Variants in RBFOX1 observed in about 807,000 individuals in gnomAD.
The protein encoded by RBFOX1 is RNA binding fox-1 homolog 1.
Under a neutral mutation model 57.7 loss-of-function variants are expected in RBFOX1, and 8 were observed. That is an observed-to-expected ratio of 0.14 (90% CI 0.08 to 0.25). RBFOX1 has a LOEUF of 0.25. Among genes scored for constraint, RBFOX1 ranks in the 10% least tolerant of loss-of-function variants. RBFOX1 has a pLI of 1.00. For missense variants in RBFOX1, 611 were observed against 548.5 expected, an observed-to-expected ratio of 1.11 and a Z score of -1.14; for synonymous variants, 326 against 222.4, an observed-to-expected ratio of 1.47 and a Z score of -4.15.
chr16:7,698,183 GGTGTGTGTGTGTGTGTGTGTGT>G (rs59239865), intron 14 of RBFOX1, among the ~76,000 whole-genome samples: 4 of 136,116 alleles, frequency 2.9e-5, no homozygotes, highest in African/African-American at 8.0e-5. Flanking sequence ...AGTCCAAGAG[GGTGTGTGTGTGTGTGTGTGTGT>G]GTGTGTGTGT....
At chr16:5,632,062 A>G (rs1347772392) in intron 3 of RBFOX1, among the ~76,000 whole-genome samples, 2 of 152,224 alleles carry the variant, frequency 1.3e-5, no homozygotes, top group Non-Finnish European at 2.9e-5. Context: ...TAAGCTAGGA[A>G]GCCAAGGAGG....
chr16:5,250,390 A>G (rs982295426), intron 1 of RBFOX1, among the ~76,000 whole-genome samples: 8 of 152,030 alleles, frequency 5.3e-5, no homozygotes, highest in African/African-American at 9.7e-5. Context: ...CCCCGCATGC[A>G]TTAGGTATTT....
chr16:5,464,653 TG>T (rs1339616762), intron 1 of RBFOX1, among the ~76,000 whole-genome samples: 1 of 152,192 alleles, frequency 6.6e-6, no homozygotes, highest in Non-Finnish European at 1.5e-5. Context: ...AGGCCTCCTC[TG>T]TTTGTGCCCC....
At chr16:6,761,500 CTTTTT>C (rs869243278) in intron 3 of RBFOX1, among the ~76,000 whole-genome samples, 26 of 60,152 alleles carry the variant, frequency 4.3e-4, no homozygotes, top group African/African-American at 1.1e-3. Context: ...TCCCAATCTC[CTTTTT>C]TTTTTTTTTT....
intron 4 of RBFOX1, among the ~76,000 whole-genome samples, chr16:7,426,598 C>T (rs1389717256): frequency 6.6e-6 from 1 of 152,144 alleles, no homozygotes; most frequent in Non-Finnish European, 1.5e-5. Flanking sequence ...GAGAGGATCT[C>T]CCCCAATAAA....
Position 7,227,281 on chromosome 16 carries a change from C to A in RBFOX1, c.27+175183C>A, listed in dbSNP as rs541343246. 4.7e-4 allele frequency among the ~76,000 whole-genome samples: 46 copies of A among 96,898 alleles called. 1 individual carries two copies. The highest frequency in any genetic ancestry group is 1.1e-3 in the African/African-American group (41 of 37,890). The allele number at this position is 96,898 out of a possible 152,430, so 63.6% of individuals were successfully genotyped here. A position where few individuals can be genotyped will look rare whatever the true frequency, so the allele number is the denominator to read the frequency against. ...TTCTCACTGTCACATACCACACACA[C>A]CCCACCCCACCCCCACACACACACA... On this transcript the variant is annotated intron_variant, in intron 4 of 15. Coordinates refer to ENST00000550418, the MANE Select transcript of RBFOX1 (RefSeq NM_018723.4).
chr16:5,454,954 C>CTTTCTTTCTTTCTTT (rs1567535876), intron 1 of RBFOX1, among the ~76,000 whole-genome samples: 2 of 40,432 alleles, frequency 4.9e-5, no homozygotes, highest in African/African-American at 2.0e-4. Flanking sequence ...TTCCTTCCTT[C>CTTTCTTTCTTTCTTT]CTTCCTTTCT....
intron 2 of RBFOX1, among the ~76,000 whole-genome samples, chr16:6,538,396 G>A (rs888070542): frequency 6.6e-6 from 1 of 152,148 alleles, no homozygotes; most frequent in Non-Finnish European, 1.5e-5. Context: ...GGTGGCTGAG[G>A]TGGGAGGATC....
At chr16:7,075,631 A>G (rs1183315511) in intron 4 of RBFOX1, among the ~76,000 whole-genome samples, 7 of 151,974 alleles carry the variant, frequency 4.6e-5, no homozygotes, top group Admixed American at 4.6e-4. Context: ...CGCAGGCTGG[A>G]GTGCAGTGGT....
chr16:6,520,656 G>A (rs1315094782), intron 2 of RBFOX1, among the ~76,000 whole-genome samples: 1 of 152,154 alleles, frequency 6.6e-6, no homozygotes, highest in Admixed American at 6.6e-5. Flanking sequence ...GAAAAGGGCA[G>A]GACCCAGGAC....
chr16:5,392,690 G>A (rs560868672), intron 1 of RBFOX1, among the ~76,000 whole-genome samples: 1 of 152,114 alleles, frequency 6.6e-6, no homozygotes, highest in South Asian at 2.1e-4. Context: ...TTCAAACCTA[G>A]ATGTATCGTA....
chr16:7,693,015 C>T (rs994376478), intron 14 of RBFOX1, among the ~76,000 whole-genome samples: 2 of 152,010 alleles, frequency 1.3e-5, no homozygotes, highest in Non-Finnish European at 1.5e-5. Context: ...CATATGAGCA[C>T]AATTTGAAAT....
At chr16:7,434,430 C>T (rs771553917) in intron 4 of RBFOX1, among the ~76,000 whole-genome samples, 2 of 151,926 alleles carry the variant, frequency 1.3e-5, no homozygotes, top group African/African-American at 2.4e-5. Flanking sequence ...CGAGATAGCA[C>T]CACTGCACTC....
intron 3 of RBFOX1, among the ~76,000 whole-genome samples, chr16:6,678,156 C>G (rs1453764167): frequency 6.6e-6 from 1 of 152,204 alleles, no homozygotes; most frequent in African/African-American, 2.4e-5. Flanking sequence ...CGGAGTCTCG[C>G]TCTGTCGCCC....
At chr16:6,168,151 G>C (rs573997568) in intron 1 of RBFOX1, among the ~76,000 whole-genome samples, 2 of 152,094 alleles carry the variant, frequency 1.3e-5, no homozygotes, top group Non-Finnish European at 2.9e-5. Flanking sequence ...GCTGATATGC[G>C]GCTTATCTTT....
chr16:7,336,002 T>C (rs2096780052), intron 4 of RBFOX1, among the ~76,000 whole-genome samples: 1 of 152,232 alleles, frequency 6.6e-6, no homozygotes, highest in Admixed American at 6.5e-5. Flanking sequence ...GTACAAATAT[T>C]GGCTGCTTTC....
intron 3 of RBFOX1, among the ~76,000 whole-genome samples, chr16:6,708,431 C>G (rs377069720): frequency 2.0e-5 from 3 of 152,200 alleles, no homozygotes; most frequent in Middle Eastern, 3.4e-3. Context: ...GATTTTGTAC[C>G]TGTCATTTTT....
chr16:7,002,221 G>A (rs975022867), intron 3 of RBFOX1, among the ~76,000 whole-genome samples: 4 of 152,182 alleles, frequency 2.6e-5, no homozygotes, highest in African/African-American at 9.7e-5. Flanking sequence ...TCTTGATGCT[G>A]TCACTTGAGG....
intron 1 of RBFOX1, among the ~76,000 whole-genome samples, chr16:6,099,915 C>T (rs1277458111): frequency 1.3e-5 from 2 of 152,106 alleles, no homozygotes; most frequent in Non-Finnish European, 2.9e-5. Context: ...TCATAGCAAA[C>T]AATAAAATGG....
Sources: gnomAD v4.1 joint callset for allele counts (sites outside exome capture counted in the v4.1 genomes callset) on GRCh38, gnomAD v4.1.1 for gene constraint, MANE v1.5 for transcripts, NCBI Gene and HGNC (gene_info 2026-07-23, HGNC 2026-07-21) for gene names.